The following DAAM2 variants were observed in gnomAD, a reference collection of about 807,000 sequenced individuals.
DAAM2 encodes the protein disheveled-associated activator of morphogenesis 2.
DAAM2 carries 39 observed loss-of-function variants against 120.7 expected under a neutral mutation model. The ratio of observed to expected loss-of-function variants is 0.32; its 90% CI spans 0.25 to 0.42. The LOEUF (loss-of-function observed/expected upper bound fraction) is 0.42, where lower values mean the gene tolerates loss of function less well. Ranked by LOEUF, DAAM2 falls within the 10% of genes least tolerant of loss-of-function variation. The pLI, the probability that DAAM2 is intolerant of heterozygous loss-of-function variation, is 1.00. For missense variants in DAAM2, 1,283 were observed against 1,401.7 expected, an observed-to-expected ratio of 0.92 and a Z score of 1.35; for synonymous variants, 488 against 524.9, an observed-to-expected ratio of 0.93 and a Z score of 0.96.
At chr6:39,890,740 A>G (rs1326103343) in intron 17 of DAAM2, among the ~76,000 whole-genome samples, 2 of 152,214 alleles carry the variant, frequency 1.3e-5, no homozygotes, top group African/African-American at 4.8e-5. Context: ...TATGTAGACT[A>G]TACCTCAAGT....
chr6:39,886,755 G>C (rs1002180601), intron 15 of DAAM2: 6 of 312,862 alleles, frequency 1.9e-5, no homozygotes, highest in Non-Finnish European at 3.5e-5. Context: ...GGGTAGGCAC[G>C]ACACAATTCA....
At chr6:39,856,115 T>A in intron 1 of DAAM2, 132 bp from the exon 2 acceptor site, 1 of 416,582 alleles carries the variant, frequency 2.4e-6, no homozygotes, top group Non-Finnish European at 3.7e-6. Context: ...GACAGCGGGG[T>A]GGGTGGGGCT....
intron 19 of DAAM2, among the ~76,000 whole-genome samples, chr6:39,894,398 T>C (rs951602253): frequency 6.6e-6 from 1 of 152,044 alleles, no homozygotes; most frequent in South Asian, 2.1e-4. Flanking sequence ...AAACATAACA[T>C]GCATATAGAA....
chr6:39,799,722 G>A (rs1761805291), intron 1 of DAAM2, among the ~76,000 whole-genome samples: 1 of 152,176 alleles, frequency 6.6e-6, no homozygotes, highest in African/African-American at 2.4e-5. Flanking sequence ...TTCTTCATTT[G>A]ATTTTTCCAT....
chr6:39,900,693 G>A (rs1766424022), intron 23 of DAAM2, among the ~76,000 whole-genome samples: 2 of 152,004 alleles, frequency 1.3e-5, no homozygotes, highest in Non-Finnish European at 2.9e-5. Context: ...CCTGGGGTCT[G>A]AGATTCTGCA....
intron 1 of DAAM2, among the ~76,000 whole-genome samples, chr6:39,817,754 C>T (rs1762350398): frequency 6.6e-6 from 1 of 152,094 alleles, no homozygotes; most frequent in Admixed American, 6.5e-5. Context: ...GGTAGAGTTC[C>T]CTTCATTGGG....
intron 14 of DAAM2, among the ~76,000 whole-genome samples, chr6:39,880,725 AT>A (rs1369302046): frequency 5.3e-5 from 8 of 152,212 alleles, no homozygotes; most frequent in Non-Finnish European, 8.8e-5. Context: ...AGGTGGAAAG[AT>A]GAAGCATAAA....
At chr6:39,801,044 T>C (rs990251355) in intron 1 of DAAM2, among the ~76,000 whole-genome samples, 1 of 152,200 alleles carries the variant, frequency 6.6e-6, no homozygotes, top group Non-Finnish European at 1.5e-5. Flanking sequence ...CAAATGGAGA[T>C]AATAACATTT....
At chr6:39,835,336 T>G (rs1319731762) in intron 1 of DAAM2, among the ~76,000 whole-genome samples, 5 of 152,246 alleles carry the variant, frequency 3.3e-5, no homozygotes, top group African/African-American at 1.2e-4. Flanking sequence ...TTTTATTTTA[T>G]GTATTTTCTG....
At chr6:39,824,474 G>A (rs899072026) in intron 1 of DAAM2, among the ~76,000 whole-genome samples, 6 of 152,190 alleles carry the variant, frequency 3.9e-5, no homozygotes, top group Non-Finnish European at 8.8e-5. Context: ...CCCCTGTGGG[G>A]CGTTAGAGAT....
chr6:39,870,795 C>T lies in DAAM2; in HGVS notation c.977+352C>T, dbSNP rs138818768. The stretch of plus-strand genomic sequence containing the variant: ...TGGGGGCCAGGAATGCTAAATGTCC[C>T]GCAGTACCTTCCTGCTCAACAAAGA... On this transcript the variant is annotated intron_variant, in intron 8 of 24. Coordinates refer to ENST00000274867, the MANE Select transcript of DAAM2 (RefSeq NM_001201427.2). Among the ~76,000 whole-genome samples, 55 of 152,280 alleles carry T rather than the reference C, an allele frequency of 3.6e-4. 1 individual carries two copies. Among genetic ancestry groups the T allele is most frequent in the Middle Eastern group, 3.4e-3 (1 of 294 alleles).
intron 6 of DAAM2, 33 bp downstream of exon 6, chr6:39,867,876 T>C (rs761426867): frequency 1.3e-6 from 2 of 1,525,212 alleles, no homozygotes; most frequent in South Asian, 2.4e-5. Context: ...GGATGCCAGC[T>C]GGGTGGGGCA....
intron 1 of DAAM2, among the ~76,000 whole-genome samples, chr6:39,842,633 AAAAT>A (rs1315990636): frequency 6.6e-6 from 1 of 152,226 alleles, no homozygotes; most frequent in Non-Finnish European, 1.5e-5. Context: ...ACTCCGTCTC[AAAAT>A]AAATAAATAA....
chr6:39,801,537 G>A lies in DAAM2; in HGVS notation c.-57+9072G>A, dbSNP rs573765950. Among the ~76,000 whole-genome samples, 5 of 152,324 alleles carry A rather than the reference G, an allele frequency of 3.3e-5. No individual in the cohort carries two copies. In the South Asian group the frequency reaches 1.0e-3, roughly 32 times the overall value. On this transcript the variant is annotated intron_variant, in intron 1 of 24. Coordinates refer to ENST00000274867, the MANE Select transcript of DAAM2 (RefSeq NM_001201427.2). ...TCCCAAGGGACCCTGCTGGCCCACT[G>A]GGAGCCGCCATCCTGCCTGCGTGCT...
intron 19 of DAAM2, among the ~76,000 whole-genome samples, chr6:39,891,973 T>C (rs954943532): frequency 6.6e-6 from 1 of 152,176 alleles, no homozygotes; most frequent in Admixed American, 6.6e-5. Flanking sequence ...AGGTGGGGCG[T>C]CTGTTGACAT....
At chr6:39,883,345 C>G (rs1175713312) in intron 14 of DAAM2, among the ~76,000 whole-genome samples, 1 of 152,042 alleles carries the variant, frequency 6.6e-6, no homozygotes, top group African/African-American at 2.4e-5. Flanking sequence ...TGGCTCTGAC[C>G]AAAGGGAAAT....
At chr6:39,887,395 CTGGATTGG>C in intron 15 of DAAM2, 83 bp from the exon 16 acceptor site, 1 of 829,896 alleles carries the variant, frequency 1.2e-6, no homozygotes, top group Non-Finnish European at 2.0e-6. Context: ...AGGAGCATTC[CTGGATTGG>C]TAGGAGGTGG....
intron 3 of DAAM2, chr6:39,861,317 C>T (rs1764202776): frequency 2.3e-6 from 1 of 430,924 alleles, no homozygotes; most frequent in Non-Finnish European, 4.4e-6. Flanking sequence ...TGCCTGCTCC[C>T]AGGCATGGAG....
intron 1 of DAAM2, among the ~76,000 whole-genome samples, 180 bp downstream of exon 1, chr6:39,792,645 AC>A (rs1302046859): frequency 6.6e-6 from 1 of 151,624 alleles, no homozygotes; most frequent in African/African-American, 2.4e-5. Context: ...GGAGCCGCCG[AC>A]CCCGGAGTGG....
Sources: allele counts gnomAD v4.1 joint callset (sites outside exome capture counted in the v4.1 genomes callset), GRCh38; gene constraint gnomAD v4.1.1; transcripts MANE v1.5; gene names NCBI Gene and HGNC (gene_info 2026-07-23, HGNC 2026-07-21).